KCNMA1: variants seen among roughly 807,000 people sequenced by gnomAD.
KCNMA1 encodes the protein potassium calcium-activated channel subfamily M alpha 1, also known as Calcium-activated potassium channel subunit alpha-1.
In KCNMA1, 29 loss-of-function variants were observed where a neutral mutation model predicts 140.0. The observed-to-expected ratio is 0.21, with a 90% CI of 0.15 to 0.28. The LOEUF is 0.28. KCNMA1 is among the 10% of genes least tolerant of loss of function. The pLI, the probability that KCNMA1 is intolerant of heterozygous loss-of-function variation, is 1.00. For missense variants in KCNMA1, 880 were observed against 1,602.2 expected (o/e 0.55, Z 7.70); for synonymous variants, 612 against 611.9 (o/e 1.00, Z 0.00).
At chr10:77,447,513 C>A (rs547375493) in intron 1 of KCNMA1, among the ~76,000 whole-genome samples, 57 of 152,358 alleles carry the variant, frequency 3.7e-4, no homozygotes, top group Non-Finnish European at 7.2e-4. Context: ...GGAGCTCTTG[C>A]AGAGCCTGCC....
intron 1 of KCNMA1, among the ~76,000 whole-genome samples, chr10:77,416,686 C>T (rs1188042164): frequency 6.6e-6 from 1 of 152,192 alleles, no homozygotes; most frequent in African/African-American, 2.4e-5. Context: ...TGCTTCCCAC[C>T]ACTACCACCT....
chr10:77,276,491 G>A (rs545241929), intron 2 of KCNMA1, among the ~76,000 whole-genome samples: 79 of 152,298 alleles, frequency 5.2e-4, no homozygotes, highest in Non-Finnish European at 1.0e-3. Context: ...GTGGCCCTGC[G>A]GAAGTCACTT....
chr10:77,044,928 C>T (rs1460040144), intron 14 of KCNMA1, among the ~76,000 whole-genome samples: 1 of 151,866 alleles, frequency 6.6e-6, no homozygotes, highest in Admixed American at 6.6e-5. Flanking sequence ...TTGCTGTGTA[C>T]AAGTACCAAA....
chr10:77,122,404 G>A (rs1013302947), intron 5 of KCNMA1, among the ~76,000 whole-genome samples: 6 of 152,022 alleles, frequency 3.9e-5, no homozygotes, highest in Non-Finnish European at 7.4e-5. Flanking sequence ...GAGATGAGAC[G>A]GGATGTTGAT....
chr10:77,019,327 A>T (rs1411449537), intron 16 of KCNMA1: 1 of 542,284 alleles, frequency 1.8e-6, no homozygotes, highest in African/African-American at 1.9e-5. Context: ...CTCCCAGTTG[A>T]GGAAATCAAA....
At chr10:76,923,428 CAAAA>C (rs926235292) in intron 23 of KCNMA1, among the ~76,000 whole-genome samples, 1 of 89,198 alleles carries the variant, frequency 1.1e-5, no homozygotes, top group Non-Finnish European at 2.2e-5. Flanking sequence ...GACTCCGTCT[CAAAA>C]AAAAAAAAAA....
intron 5 of KCNMA1, among the ~76,000 whole-genome samples, chr10:77,179,161 G>A (rs970925584): frequency 2.0e-5 from 3 of 152,196 alleles, no homozygotes; most frequent in African/African-American, 7.2e-5. Context: ...TGAGGTGGGT[G>A]CTGTAATTAG....
intron 1 of KCNMA1, among the ~76,000 whole-genome samples, chr10:77,469,939 G>A (rs1806424905): frequency 6.6e-6 from 1 of 152,162 alleles, no homozygotes; most frequent in Admixed American, 6.5e-5. Flanking sequence ...GGAACAGGCT[G>A]GGCTACCCAG....
intron 25 of KCNMA1, among the ~76,000 whole-genome samples, chr10:76,894,542 C>A (rs1410415135): frequency 6.6e-6 from 1 of 151,914 alleles, no homozygotes; most frequent in African/African-American, 2.4e-5. Flanking sequence ...GTGAAAAAAA[C>A]AACCTACAAA....
At chr10:77,212,388 G>C (rs2046357669) in intron 3 of KCNMA1, among the ~76,000 whole-genome samples, 1 of 152,142 alleles carries the variant, frequency 6.6e-6, no homozygotes, top group Non-Finnish European at 1.5e-5. Context: ...ATAAGTGGGA[G>C]CTGAGCACTG....
intron 5 of KCNMA1, among the ~76,000 whole-genome samples, chr10:77,141,407 A>T (rs1435256037): frequency 1.3e-5 from 2 of 152,186 alleles, no homozygotes; most frequent in African/African-American, 4.8e-5. Context: ...AGACAAGATC[A>T]TGAGGATAGG....
intron 1 of KCNMA1, among the ~76,000 whole-genome samples, chr10:77,473,566 G>T (rs185132713): frequency 6.6e-6 from 1 of 152,292 alleles, no homozygotes; most frequent in East Asian, 1.9e-4. Context: ...CAAGATAGGA[G>T]GGGCCTCCGT....
At chr10:76,879,474 C>T (rs1045326265) in intron 29 of KCNMA1, among the ~76,000 whole-genome samples, 1 of 152,008 alleles carries the variant, frequency 6.6e-6, no homozygotes, top group Non-Finnish European at 1.5e-5. Context: ...AAATTATTCC[C>T]CCTGACAGAA....
chr10:77,157,216 C>T (rs545146735), intron 5 of KCNMA1, among the ~76,000 whole-genome samples: 8 of 152,230 alleles, frequency 5.3e-5, no homozygotes, highest in South Asian at 2.1e-4. Flanking sequence ...CTGAGGCAGG[C>T]GGGTCCCGAG....
At chr10:77,630,640 G>A (rs1039079528) in intron 1 of KCNMA1, among the ~76,000 whole-genome samples, 1 of 152,170 alleles carries the variant, frequency 6.6e-6, no homozygotes, top group Non-Finnish European at 1.5e-5. Flanking sequence ...TGTCTTCAGG[G>A]ATGGACTGCA....
intron 5 of KCNMA1, among the ~76,000 whole-genome samples, chr10:77,150,581 CAAAT>C (rs1177532174): frequency 2.0e-5 from 3 of 152,228 alleles, no homozygotes; most frequent in East Asian, 3.9e-4. Context: ...TGAAAAACAG[CAAAT>C]AAATAATCAT....
At chr10:77,604,629 G>A (rs2083757335) in intron 1 of KCNMA1, among the ~76,000 whole-genome samples, 1 of 152,118 alleles carries the variant, frequency 6.6e-6, no homozygotes, top group African/African-American at 2.4e-5. Context: ...GGAGGCTACA[G>A]TGAGCTATGA....
At chr10:77,000,900 A>ATATATATATATATATATG (rs1412998914) in intron 19 of KCNMA1, among the ~76,000 whole-genome samples, 1 of 128,784 alleles carries the variant, frequency 7.8e-6, no homozygotes. Context: ...ATATATATAT[A>ATATATATATATATATATG]TCCATCTGCA....
At chr10:77,206,958 T>C (rs1185389781) in intron 3 of KCNMA1, among the ~76,000 whole-genome samples, 1 of 152,146 alleles carries the variant, frequency 6.6e-6, no homozygotes, top group Non-Finnish European at 1.5e-5. Context: ...ATGATTTTTT[T>C]GTACTCACAA....
Sources: gnomAD v4.1 joint callset for allele counts (sites outside exome capture counted in the v4.1 genomes callset) on GRCh38, gnomAD v4.1.1 for gene constraint, MANE v1.5 for transcripts, NCBI Gene and HGNC (gene_info 2026-07-23, HGNC 2026-07-21) for gene names.